The following ELAVL4 variants were observed in gnomAD, a reference collection of about 807,000 sequenced individuals.
ELAVL4 encodes the protein ELAV like RNA binding protein 4.
ELAVL4 carries 1 observed loss-of-function variant against 35.6 expected under a neutral mutation model. That is an observed-to-expected ratio of 0.03 (90% CI 0.01 to 0.13). The LOEUF (loss-of-function observed/expected upper bound fraction) is 0.13, where lower values mean the gene tolerates loss of function less well. Among genes scored for constraint, ELAVL4 ranks in the 10% least tolerant of loss-of-function variants. The pLI is 1.00. For missense variants in ELAVL4, 267 were observed against 464.9 expected (o/e 0.57, Z 3.91); for synonymous variants, 156 against 171.0 (o/e 0.91, Z 0.69).
intron 1 of ELAVL4, among the ~76,000 whole-genome samples, chr1:50,072,598 C>T (rs1251940598): frequency 6.6e-6 from 1 of 152,176 alleles, no homozygotes; most frequent in African/African-American, 2.4e-5. Flanking sequence ...CAAGTGGGGA[C>T]ACACATCCTC....
intron 2 of ELAVL4, among the ~76,000 whole-genome samples, chr1:50,172,371 CT>C (rs1399599709): frequency 6.6e-6 from 1 of 152,178 alleles, no homozygotes; most frequent in Non-Finnish European, 1.5e-5. Context: ...CAAAAAGCCT[CT>C]GATACATTTC....
chr1:50,155,046 A>G (rs1675480615), intron 2 of ELAVL4, among the ~76,000 whole-genome samples: 1 of 151,842 alleles, frequency 6.6e-6, no homozygotes, highest in African/African-American at 2.4e-5. Flanking sequence ...ATTATACTTT[A>G]AGTTTTAGGG....
At chr1:50,136,994 G>T (rs1027246581) in intron 1 of ELAVL4, among the ~76,000 whole-genome samples, 1 of 152,142 alleles carries the variant, frequency 6.6e-6, no homozygotes, top group South Asian at 2.1e-4. Flanking sequence ...CTGAAAGTAG[G>T]TGTAGGTTAA....
At chr1:50,122,894 A>G (rs985870748) in intron 1 of ELAVL4, among the ~76,000 whole-genome samples, 2 of 152,098 alleles carry the variant, frequency 1.3e-5, no homozygotes, top group Non-Finnish European at 2.9e-5. Context: ...AATACCACTC[A>G]GGATTGTTAG....
chr1:50,160,869 A>C (rs1676680753), intron 2 of ELAVL4, among the ~76,000 whole-genome samples: 1 of 152,254 alleles, frequency 6.6e-6, no homozygotes, highest in Non-Finnish European at 1.5e-5. Context: ...ACATGATATC[A>C]GGAGCTTCTA....
In ELAVL4 at chr1:50,091,126, G is replaced by A. The variant is rs183366763; in HGVS notation, c.18+42944G>A. 1.7e-3 allele frequency among the ~76,000 whole-genome samples: 266 copies of A among 152,248 alleles called. 1 individual carries two copies. The highest frequency in any genetic ancestry group is 4.7e-3 in the African/African-American group (195 of 41,546). On this transcript the variant is annotated intron_variant, in intron 1 of 6. Transcript: ENST00000448907. The stretch of plus-strand genomic sequence containing the variant: ...AGCTGAATTACCCATCTGAATTTCC[G>A]GTGACTTAAACTGAGTTCTTGGAGT...
At chr1:50,192,519 G>GCACACACACACACACA (rs5774068) in intron 3 of ELAVL4, among the ~76,000 whole-genome samples, 80 of 140,446 alleles carry the variant, frequency 5.7e-4, no homozygotes, top group Non-Finnish European at 7.7e-4. Flanking sequence ...TTGTGTGCAC[G>GCACACACACACACACA]CACACACACA....
chr1:50,104,332 A>G (rs1666147668), upstream of ELAVL4, among the ~76,000 whole-genome samples: 1 of 152,244 alleles, frequency 6.6e-6, no homozygotes, highest in South Asian at 2.1e-4. Flanking sequence ...TTAATGTTTG[A>G]AGAAAGTGAC....
intron 1 of ELAVL4, among the ~76,000 whole-genome samples, chr1:50,066,210 A>G (rs1374471105): frequency 6.6e-6 from 1 of 152,210 alleles, no homozygotes; most frequent in Non-Finnish European, 1.5e-5. Context: ...TTTACAGATT[A>G]CAAAGACCTT....
chr1:50,048,157 C>A lies in ELAVL4; in HGVS notation c.-8C>A, dbSNP rs1021745842. ...CGCAGCCTCGGGCCGGATCGCCCGG[C>A]GGGGAAGATGCGCCTCAAGAACCAG... On this transcript the variant is annotated 5_prime_UTR_variant, in exon 1 of 7. Transcript: ENST00000448907. 5.3e-6 allele frequency: 8 copies of A among 1,521,504 alleles called. No individual in the cohort carries two copies. The African/African-American group carries it at 1.1e-4, about 22-fold the overall frequency. 94.3% of individuals were successfully genotyped at this position (1,521,504 alleles called of 1,614,324 possible). A position where few individuals can be genotyped will look rare whatever the true frequency, so the allele number is the denominator to read the frequency against.
chr1:50,165,459 C>T lies in ELAVL4; in HGVS notation c.251-11630C>T, dbSNP rs576660696. ...ATATATATAGATATAGATATAGATA[C>T]ACACACACACACACTCACATATATA... On this transcript the variant is annotated intron_variant, in intron 2 of 6. Transcript: ENST00000371824. 7.9e-4 allele frequency among the ~76,000 whole-genome samples: 117 copies of T among 148,374 alleles called. 2 individuals carry two copies. Among genetic ancestry groups the T allele is most frequent in the South Asian group, 7.2e-3 (34 of 4,700 alleles).
intron 3 of ELAVL4, among the ~76,000 whole-genome samples, chr1:50,183,085 T>G (rs3001639): frequency 0.04 from 6,120 of 152,214 alleles, 407 homozygotes; most frequent in African/African-American, 0.14. Context: ...CTCAAACTCC[T>G]GACCTCAAGT....
chr1:50,119,533 CT>C (rs1216816179), intron 1 of ELAVL4, among the ~76,000 whole-genome samples: 2 of 151,774 alleles, frequency 1.3e-5, no homozygotes, highest in African/African-American at 2.4e-5. Flanking sequence ...TCAGTTCCTT[CT>C]TTTTTTTAGA....
chr1:50,077,960 A>G (rs1175715022), intron 1 of ELAVL4, among the ~76,000 whole-genome samples: 2 of 152,102 alleles, frequency 1.3e-5, no homozygotes, highest in Non-Finnish European at 2.9e-5. Flanking sequence ...CCAGACTTCC[A>G]TGGTTTCAAT....
At chr1:50,126,421 A>G (rs1440919666) in intron 1 of ELAVL4, among the ~76,000 whole-genome samples, 4 of 151,942 alleles carry the variant, frequency 2.6e-5, no homozygotes, top group Non-Finnish European at 5.9e-5. Flanking sequence ...AAGTTAGAGT[A>G]TTTACTTTTT....
At chr1:50,195,099 G>A (rs1643957614) in intron 4 of ELAVL4, among the ~76,000 whole-genome samples, 1 of 152,152 alleles carries the variant, frequency 6.6e-6, no homozygotes, top group Admixed American at 6.5e-5. Flanking sequence ...GGGAGTCAGT[G>A]AAGAATAGGT....
At chr1:50,191,949 ACTT>A (rs1682725190) in intron 3 of ELAVL4, among the ~76,000 whole-genome samples, 1 of 152,176 alleles carries the variant, frequency 6.6e-6, no homozygotes, top group Non-Finnish European at 1.5e-5. Context: ...TCCTTCTTCC[ACTT>A]CTTCCTCTTA....
At chr1:50,108,823 C>T, upstream of ELAVL4, 1 of 728,256 alleles carries the variant, frequency 1.4e-6, no homozygotes, top group Non-Finnish European at 1.7e-6. Flanking sequence ...TAAATAGCAC[C>T]TGATGTTGCA....
intron 1 of ELAVL4, among the ~76,000 whole-genome samples, chr1:50,096,542 G>A (rs751373249): frequency 1.2e-4 from 18 of 151,644 alleles, no homozygotes; most frequent in African/African-American, 3.2e-4. Context: ...CTTGAATGCC[G>A]TACTGAATAA....
Sources: gnomAD v4.1 joint callset for allele counts (sites outside exome capture counted in the v4.1 genomes callset) on GRCh38, gnomAD v4.1.1 for gene constraint, MANE v1.5 for transcripts, NCBI Gene and HGNC (gene_info 2026-07-23, HGNC 2026-07-21) for gene names.